The following CALN1 variants were observed in gnomAD, a reference collection of about 807,000 sequenced individuals.
CALN1 encodes calcium-binding protein 8.
A neutral mutation model predicts 30.6 loss-of-function variants in CALN1; 17 were observed. That is an observed-to-expected ratio of 0.56 (90% confidence interval 0.38 to 0.83). CALN1 has a LOEUF of 0.83. Ranked by LOEUF, CALN1 falls within the 40% of genes least tolerant of loss-of-function variation. The pLI, the probability that CALN1 is intolerant of heterozygous loss-of-function variation, is 0.00. For synonymous variants in CALN1, 156 were observed against 131.4 expected (o/e 1.19, Z -1.28); for missense variants, 291 against 354.9 (o/e 0.82, Z 1.45).
chr7:72,388,410 G>A (rs1281906205), intron 2 of CALN1, among the ~76,000 whole-genome samples: 1 of 152,048 alleles, frequency 6.6e-6, no homozygotes. Flanking sequence ...ATCCTAAAAT[G>A]AGATCCAAGC....
chr7:71,879,818 C>T (rs1189364225), intron 5 of CALN1, among the ~76,000 whole-genome samples: 1 of 152,130 alleles, frequency 6.6e-6, no homozygotes, highest in Non-Finnish European at 1.5e-5. Context: ...AGAGGCTCCT[C>T]AAACATGACT....
intron 5 of CALN1, among the ~76,000 whole-genome samples, chr7:71,829,670 G>A (rs1181208201): frequency 6.6e-6 from 1 of 152,194 alleles, no homozygotes; most frequent in Non-Finnish European, 1.5e-5. Flanking sequence ...AGGGTAAGCT[G>A]TGAATAGCCT....
Position 72,080,046 on chromosome 7 carries a change from C to T in CALN1, c.388+26105G>A, listed in dbSNP as rs146108425. Among the ~76,000 whole-genome samples the T allele has an allele frequency of 7.8e-3, 1,182 of 152,296 alleles. 10 individuals carry two copies. The highest frequency in any genetic ancestry group is 0.027 in the African/African-American group (1,135 of 41,560). ...TCGGCCTCCCGAAGTGCTGGGATTACAGGCGTAAGCCACCGCACCTGGCCC... is the reference window on the plus strand; with the variant it reads ...TCGGCCTCCCGAAGTGCTGGGATTATAGGCGTAAGCCACCGCACCTGGCCC... On this transcript the variant is annotated intron_variant, in intron 4 of 6. Transcript: ENST00000395275.
intron 5 of CALN1, among the ~76,000 whole-genome samples, chr7:71,870,381 T>TA (rs35582248): frequency 0.12 from 16,982 of 142,708 alleles, 1,379 homozygotes; most frequent in East Asian, 0.44. Flanking sequence ...AAACTCCATC[T>TA]AAAAAAAAAA....
At chr7:72,429,761 G>GTATATATATATATACACATCTGTA (rs143345640) in intron 1 of CALN1, among the ~76,000 whole-genome samples, 1 of 147,438 alleles carries the variant, frequency 6.8e-6, no homozygotes, top group African/African-American at 2.5e-5. Context: ...ATACACATCT[G>GTATATATATATATACACATCTGTA]TATATATATA....
intron 2 of CALN1, among the ~76,000 whole-genome samples, chr7:72,354,430 G>T (rs1421283869): frequency 6.6e-6 from 1 of 152,076 alleles, no homozygotes. Flanking sequence ...AAGCTGTTTT[G>T]CAAAATTTGA....
chr7:71,857,822 G>C (rs1223328206), intron 5 of CALN1, among the ~76,000 whole-genome samples: 1 of 152,146 alleles, frequency 6.6e-6, no homozygotes, highest in Admixed American at 6.5e-5. Context: ...ATTAGAAAAG[G>C]AAAAAAGGCA....
At chr7:72,435,239 G>GA (rs34343025) in intron 1 of CALN1, among the ~76,000 whole-genome samples, 27,021 of 132,824 alleles carry the variant, frequency 0.2, 2,802 homozygotes, top group Non-Finnish European at 0.24. Context: ...AGTCTCTAAG[G>GA]AAAAAAAAAA....
At chr7:72,188,684 C>T (rs954633869) in intron 3 of CALN1, among the ~76,000 whole-genome samples, 1 of 152,042 alleles carries the variant, frequency 6.6e-6, no homozygotes, top group African/African-American at 2.4e-5. Flanking sequence ...ACCATCCATT[C>T]CCCAAAAATG....
chr7:71,935,838 GTC>G lies in CALN1; in HGVS notation c.501+87817_501+87818del, dbSNP rs372431497. 9.8e-3 allele frequency among the ~76,000 whole-genome samples: 1,492 copies of G among 152,324 alleles called. 28 individuals carry two copies. Among genetic ancestry groups the G allele is most frequent in the African/African-American group, 0.034 (1,404 of 41,570 alleles). On this transcript the variant is annotated intron_variant, in intron 5 of 6. Transcript: ENST00000395275. ...GAAGACACCCATCTGCCCAATGGTA[GTC>G]TTGAGGTTGCGGGATGCTTGACCAC... is the stretch of plus-strand genomic sequence containing the variant.
intron 3 of CALN1, among the ~76,000 whole-genome samples, chr7:72,124,752 A>C (rs1057188542): frequency 1.3e-5 from 2 of 151,998 alleles, no homozygotes; most frequent in South Asian, 2.1e-4. Context: ...AGAAAAAAAA[A>C]CATGAAGATA....
chr7:72,206,100 C>A (rs551348788), intron 3 of CALN1, among the ~76,000 whole-genome samples: 1 of 152,254 alleles, frequency 6.6e-6, no homozygotes, highest in East Asian at 1.9e-4. Context: ...GGCTCACTCA[C>A]CATTTTGTTT....
intron 3 of CALN1, among the ~76,000 whole-genome samples, chr7:72,112,654 G>A (rs541496514): frequency 6.6e-6 from 1 of 152,222 alleles, no homozygotes; most frequent in East Asian, 1.9e-4. Context: ...CTCTAAGAAA[G>A]GCAAAAAATG....
At chr7:72,044,617 T>C (rs1802350760) in intron 4 of CALN1, among the ~76,000 whole-genome samples, 1 of 142,578 alleles carries the variant, frequency 7.0e-6, no homozygotes, top group African/African-American at 2.6e-5. Flanking sequence ...TTTTTTTTTT[T>C]TTTTTTTTTT....
intron 5 of CALN1, among the ~76,000 whole-genome samples, chr7:71,881,909 CAA>C (rs112654398): frequency 1.0e-4 from 14 of 138,970 alleles, no homozygotes; most frequent in Non-Finnish European, 9.4e-5. Flanking sequence ...CCTATATTTA[CAA>C]AAAAAAAAAA....
At chr7:72,143,534 A>T (rs1400007626) in intron 3 of CALN1, among the ~76,000 whole-genome samples, 3 of 152,220 alleles carry the variant, frequency 2.0e-5, no homozygotes, top group Admixed American at 1.3e-4. Flanking sequence ...GAATGGAACC[A>T]AGTTGGAAAA....
chr7:72,388,840 T>G (rs888515044), intron 2 of CALN1, among the ~76,000 whole-genome samples: 10 of 152,074 alleles, frequency 6.6e-5, no homozygotes, highest in African/African-American at 9.7e-5. Flanking sequence ...AATCCTGAAG[T>G]TCAGAACTGG....
intron 2 of CALN1, among the ~76,000 whole-genome samples, chr7:72,302,100 G>C (rs1381195183): frequency 6.6e-6 from 1 of 152,044 alleles, no homozygotes; most frequent in Non-Finnish European, 1.5e-5. Context: ...TGAAATAGGA[G>C]AGAAAATTCA....
intron 3 of CALN1, among the ~76,000 whole-genome samples, chr7:72,115,558 G>A (rs139030278): frequency 0.021 from 2,716 of 130,254 alleles, 85 homozygotes; most frequent in African/African-American, 0.075. Flanking sequence ...GTGCGATCTC[G>A]ACTCACTGCA....
Sources: gnomAD v4.1 joint callset for allele counts (sites outside exome capture counted in the v4.1 genomes callset) on GRCh38, gnomAD v4.1.1 for gene constraint, MANE v1.5 for transcripts, NCBI Gene and HGNC (gene_info 2026-07-23, HGNC 2026-07-21) for gene names.